The following ARHGAP26 variants were observed in gnomAD, a reference collection of about 807,000 sequenced individuals.
ARHGAP26 encodes Rho GTPase activating protein 26.
In ARHGAP26, 38 loss-of-function variants were observed where a neutral mutation model predicts 104.8. The ratio of observed to expected loss-of-function variants is 0.36; its 90% CI spans 0.28 to 0.48. The LOEUF (loss-of-function observed/expected upper bound fraction) is 0.48, where lower values mean the gene tolerates loss of function less well. ARHGAP26 is among the 20% of genes least tolerant of loss of function. The probability of loss-of-function intolerance (pLI) is 0.99; values close to 1 mark genes in which losing one functional copy is unlikely to be tolerated. For missense variants in ARHGAP26, 704 were observed against 947.9 expected (o/e 0.74, Z 3.38); for synonymous variants, 341 against 340.0 (o/e 1.00, Z -0.03).
chr5:142,964,879 C>T (rs892686232), intron 11 of ARHGAP26, among the ~76,000 whole-genome samples: 5 of 152,106 alleles, frequency 3.3e-5, no homozygotes, highest in East Asian at 1.9e-4. Context: ...CAGCTGGGCC[C>T]GGGGGACCAC....
intron 17 of ARHGAP26, among the ~76,000 whole-genome samples, chr5:143,104,628 C>A (rs1793737389): frequency 6.6e-6 from 1 of 152,108 alleles, no homozygotes; most frequent in Admixed American, 6.5e-5. Flanking sequence ...AGATTCACTG[C>A]AATATTAGTG....
At chr5:143,007,879 CTCCTT>C (rs1778210257) in intron 11 of ARHGAP26, among the ~76,000 whole-genome samples, 1 of 152,210 alleles carries the variant, frequency 6.6e-6, no homozygotes, top group Non-Finnish European at 1.5e-5. Flanking sequence ...CTTAGATTGT[CTCCTT>C]TCCTTTCCCT....
chr5:142,806,378 A>G (rs1282148980), intron 1 of ARHGAP26, among the ~76,000 whole-genome samples: 4 of 152,174 alleles, frequency 2.6e-5, no homozygotes, highest in African/African-American at 9.7e-5. Flanking sequence ...TACAGGCCTG[A>G]GCCATTGTGC....
Position 143,133,959 on chromosome 5 carries a change from G to A in ARHGAP26, c.1699-8G>A, listed in dbSNP as rs749224958. ...GTGAGTAACCTTGTTGTGAAACTTC[G>A]TTTGCAGATATTTAACACCGTGCCC... On this transcript the variant is annotated splice_polypyrimidine_tract_variant and splice_region_variant and intron_variant, in intron 18 of 22. Coordinates refer to ENST00000645722, the MANE Select transcript of ARHGAP26 (RefSeq NM_001135608.3). 29 of 1,603,566 alleles carry A rather than the reference G, an allele frequency of 1.8e-5. No homozygotes were observed. The highest frequency in any genetic ancestry group is 2.3e-5 in the Non-Finnish European group (27 of 1,174,158).
chr5:143,116,002 GAC>G (rs1795387861), intron 17 of ARHGAP26, among the ~76,000 whole-genome samples: 1 of 152,182 alleles, frequency 6.6e-6, no homozygotes, highest in East Asian at 1.9e-4. Flanking sequence ...AAATAGAATC[GAC>G]AGGATAAGAT....
At chr5:142,971,297 T>C (rs940962937) in intron 11 of ARHGAP26, among the ~76,000 whole-genome samples, 2 of 152,144 alleles carry the variant, frequency 1.3e-5, no homozygotes, top group African/African-American at 4.8e-5. Flanking sequence ...TATAAGTAAA[T>C]AAAACTAGCA....
intron 17 of ARHGAP26, among the ~76,000 whole-genome samples, chr5:143,095,286 G>C (rs1012484596): frequency 6.6e-6 from 1 of 152,022 alleles, no homozygotes; most frequent in East Asian, 1.9e-4. Context: ...TACATTGACA[G>C]TATTATGCAA....
intron 1 of ARHGAP26, among the ~76,000 whole-genome samples, chr5:142,836,404 T>C (rs779370955): frequency 2.0e-5 from 3 of 152,222 alleles, no homozygotes; most frequent in Non-Finnish European, 4.4e-5. Context: ...GAATTCAAGA[T>C]ACTCTGTAAG....
In ARHGAP26 at chr5:143,147,245, A is replaced by G; in HGVS notation, c.1852A>G (p.Ser618Gly). ...TTCCCCCCCAGAGGAACAAAGGAAC[A>G]GCATCATCAACTCCAGTTTGGAATC... ...QSTEKQEQRN[S>G]IINSSLESVS... Residue 618 changes from serine (S) to glycine (G), a missense_variant, in exon 20 of 23, where the codon AGC becomes GGC. This residue lies in a region of ARHGAP26 where 217 missense variants were observed against 242.6 expected (regional missense o/e 0.89). Transcript: ENST00000645722. The G allele has an allele frequency of 1.9e-6, 3 of 1,614,098 alleles. No homozygotes were observed. Among genetic ancestry groups the G allele is most frequent in the Non-Finnish European group, 2.5e-6 (3 of 1,179,946 alleles).
intron 20 of ARHGAP26, among the ~76,000 whole-genome samples, chr5:143,166,809 C>G (rs1179787498): frequency 6.6e-6 from 1 of 152,162 alleles, no homozygotes; most frequent in African/African-American, 2.4e-5. Flanking sequence ...CGAAGACTGC[C>G]AAGTCCAGGA....
chr5:142,923,470 G>A (rs1424806591), intron 10 of ARHGAP26, among the ~76,000 whole-genome samples: 2 of 152,076 alleles, frequency 1.3e-5, no homozygotes, highest in East Asian at 1.9e-4. Flanking sequence ...GTTATCAATA[G>A]TAGTAACAGG....
chr5:143,080,699 G>A (rs748338024), intron 17 of ARHGAP26, among the ~76,000 whole-genome samples: 1 of 152,222 alleles, frequency 6.6e-6, no homozygotes, highest in African/African-American at 2.4e-5. Context: ...GTGGTAGCTT[G>A]GGGACCTCAG....
At chr5:143,211,604 C>T (rs1599539690) in intron 21 of ARHGAP26, among the ~76,000 whole-genome samples, 1 of 149,434 alleles carries the variant, frequency 6.7e-6, no homozygotes, top group Non-Finnish European at 1.5e-5. Context: ...GAGCCAGGGT[C>T]TCACTTGACT....
At chr5:143,043,107 C>T (rs1265767343) in intron 14 of ARHGAP26, among the ~76,000 whole-genome samples, 1 of 152,136 alleles carries the variant, frequency 6.6e-6, no homozygotes, top group Non-Finnish European at 1.5e-5. Flanking sequence ...ATATCACAAC[C>T]AAAATATTGG....
intron 17 of ARHGAP26, among the ~76,000 whole-genome samples, chr5:143,063,149 C>T (rs948069708): frequency 6.6e-6 from 1 of 152,168 alleles, no homozygotes; most frequent in Non-Finnish European, 1.5e-5. Context: ...CCACATTGAC[C>T]CCATTCTCCA....
intron 1 of ARHGAP26, among the ~76,000 whole-genome samples, chr5:142,802,104 G>C (rs1762181885): frequency 6.6e-6 from 1 of 152,148 alleles, no homozygotes; most frequent in African/African-American, 2.4e-5. Flanking sequence ...ATATGAATGA[G>C]GTATTTGTTT....
intron 10 of ARHGAP26, among the ~76,000 whole-genome samples, chr5:142,923,854 A>C (rs1051347660): frequency 8.9e-5 from 12 of 134,908 alleles, no homozygotes; most frequent in African/African-American, 3.4e-4. Context: ...TTAGGATCAG[A>C]TCCTTTTTTT....
chr5:142,867,776 A>T (rs1754583231), intron 1 of ARHGAP26: 1 of 152,218 alleles, frequency 6.6e-6, no homozygotes, highest in Non-Finnish European at 1.5e-5. Context: ...AGGTGGTCAC[A>T]TGCTAATAGG....
At chr5:143,011,243 G>C (rs1778681658) in intron 11 of ARHGAP26, among the ~76,000 whole-genome samples, 1 of 150,592 alleles carries the variant, frequency 6.6e-6, no homozygotes, top group East Asian at 1.9e-4. Flanking sequence ...TTCAGGCCTG[G>C]CGCAAACGTC....
Sources: gnomAD v4.1 joint callset for allele counts (sites outside exome capture counted in the v4.1 genomes callset) on GRCh38, gnomAD v4.1.1 for gene constraint, gnomAD v4.1.1 regional missense constraint, MANE v1.5 for transcripts, NCBI Gene and HGNC (gene_info 2026-07-23, HGNC 2026-07-21) for gene names.